The following CGNL1 variants were observed in gnomAD, a reference collection of about 807,000 sequenced individuals.
CGNL1 encodes the protein cingulin like 1.
A neutral mutation model predicts 141.2 loss-of-function variants in CGNL1; 132 were observed. The observed-to-expected ratio is 0.93, with a 90% confidence interval of 0.81 to 1.08. The LOEUF (loss-of-function observed/expected upper bound fraction) is 1.08, where lower values mean the gene tolerates loss of function less well. Among genes scored for constraint, CGNL1 ranks in the 50% least tolerant of loss-of-function variants. CGNL1 has a pLI of 0.00. For synonymous variants in CGNL1, 690 were observed against 622.1 expected (o/e 1.11, Z -1.63); for missense variants, 1,870 against 1,588.6 (o/e 1.18, Z -3.01).
intron 1 of CGNL1, among the ~76,000 whole-genome samples, chr15:57,389,754 G>A (rs2062521779): frequency 6.6e-6 from 1 of 152,158 alleles, no homozygotes; most frequent in Non-Finnish European, 1.5e-5. Context: ...TCTTACAATG[G>A]TTGTATTGGA....
At chr15:57,392,134 C>T (rs1341356205) in intron 1 of CGNL1, among the ~76,000 whole-genome samples, 2 of 152,116 alleles carry the variant, frequency 1.3e-5, no homozygotes, top group Non-Finnish European at 2.9e-5. Flanking sequence ...TTTTGTTTTC[C>T]ATTTCATGCC....
chr15:57,496,053 A>G (rs2063933565), intron 8 of CGNL1, among the ~76,000 whole-genome samples: 1 of 152,200 alleles, frequency 6.6e-6, no homozygotes, highest in South Asian at 2.1e-4. Flanking sequence ...GATAAGATAA[A>G]TGAGTGAAAG....
chr15:57,476,024 C>G (rs891503857), intron 8 of CGNL1, among the ~76,000 whole-genome samples: 1 of 152,112 alleles, frequency 6.6e-6, no homozygotes, highest in Admixed American at 6.5e-5. Flanking sequence ...TTTGTTTACT[C>G]AACACATCAA....
Position 57,516,832 on chromosome 15 carries a change from G to T in CGNL1, c.2456G>T (p.Gly819Val). 6.2e-7 allele frequency: 1 copy of T among 1,614,176 alleles called. No individual in the cohort carries two copies. The stretch of plus-strand genomic sequence containing the variant: ...AACACTTCAGAGCAAGACCAGGCGG[G>T]GACTGAAATGCGCGTGAAGCTTCTG... ...RSNTSEQDQA[G>V]TEMRVKLLQE... Residue 819 changes from glycine (G) to valine (V), a missense_variant, in exon 9 of 19, where the codon GGG (glycine) becomes GTG (valine). Gly to Val is a moderately radical substitution (Grantham distance 109, BLOSUM62 -3). Coordinates refer to ENST00000281282, the MANE Select transcript of CGNL1 (RefSeq NM_032866.5).
intron 1 of CGNL1, among the ~76,000 whole-genome samples, chr15:57,417,448 G>A (rs868124021): frequency 1.3e-5 from 2 of 152,250 alleles, no homozygotes; most frequent in Admixed American, 6.5e-5. Flanking sequence ...TGGCCAGGCT[G>A]GTCTTGAACT....
intron 7 of CGNL1, among the ~76,000 whole-genome samples, chr15:57,458,745 G>C (rs1249487063): frequency 6.6e-6 from 1 of 152,142 alleles, no homozygotes; most frequent in African/African-American, 2.4e-5. Flanking sequence ...CCTTAAGAAG[G>C]GGCTGGGCAG....
chr15:57,547,589 C>T lies in CGNL1; in HGVS notation c.*99C>T, dbSNP rs2032938496. 1 of 1,362,364 alleles carries T rather than the reference C, an allele frequency of 7.3e-7. No individual in the cohort carries two copies. The highest frequency in any genetic ancestry group is 1.0e-6 in the Non-Finnish European group (1 of 987,568). The allele number at this position is 1,362,364 out of a possible 1,614,324, so 84.4% of individuals were successfully genotyped here. On this transcript the variant is annotated 3_prime_UTR_variant, in exon 19 of 19. Coordinates refer to ENST00000281282, the MANE Select transcript of CGNL1 (RefSeq NM_032866.5). ...GGGAGCATCTGTCTGCCACTGAGAC[C>T]AATCACAGCCTCTTTGCACAGCATG...
intron 1 of CGNL1, among the ~76,000 whole-genome samples, chr15:57,398,599 C>A (rs2152245291): frequency 6.6e-6 from 1 of 152,300 alleles, no homozygotes; most frequent in South Asian, 2.1e-4. Flanking sequence ...AAAGTGGGAC[C>A]CTCATGGCAG....
intron 8 of CGNL1, among the ~76,000 whole-genome samples, chr15:57,474,189 G>C (rs1047328888): frequency 6.6e-6 from 1 of 152,076 alleles, no homozygotes; most frequent in Non-Finnish European, 1.5e-5. Flanking sequence ...GGGATTACAG[G>C]TGTAAGCCAC....
chr15:57,380,193 C>A (rs1049840001), intron 1 of CGNL1, among the ~76,000 whole-genome samples: 22 of 152,148 alleles, frequency 1.4e-4, no homozygotes, highest in African/African-American at 4.8e-4. Flanking sequence ...GCCACCATAC[C>A]CCGCTTATTT....
intron 1 of CGNL1, among the ~76,000 whole-genome samples, chr15:57,405,760 C>A (rs1285461564): frequency 7.3e-6 from 1 of 137,650 alleles, no homozygotes; most frequent in East Asian, 2.1e-4. Flanking sequence ...TTTTCTTTTT[C>A]TTTCTTTCTT....
At chr15:57,538,785 G>A (rs531982440) in intron 14 of CGNL1, among the ~76,000 whole-genome samples, 20 of 152,260 alleles carry the variant, frequency 1.3e-4, no homozygotes, top group African/African-American at 4.3e-4. Flanking sequence ...CCATAGACAC[G>A]TTCTCCTTCT....
chr15:57,439,484 G>A lies in CGNL1; in HGVS notation c.1485G>A (p.Glu495=), dbSNP rs1416092110. ...TTGGTGCACAGAGTAAAAAGGAGGA[G>A]GAGGTGAAAACAGCCACCGCTACGC... ...PSLGAQSKKE[E]EVKTATATLM... Residue 495 remains glutamate (E), a synonymous_variant, in exon 2 of 19, where the codon GAG becomes GAA. Transcript: ENST00000281282. 1 of 1,614,124 alleles carries A rather than the reference G, an allele frequency of 6.2e-7. No homozygotes were observed. The highest frequency in any genetic ancestry group is 1.3e-5 in the African/African-American group (1 of 74,940).
chr15:57,543,640 C>G, intron 14 of CGNL1, 56 bp from the exon 15 acceptor site: 1 of 1,480,798 alleles, frequency 6.8e-7, no homozygotes, highest in Admixed American at 1.7e-5. Flanking sequence ...CATTTCAGTA[C>G]AAAAGATACA....
intron 8 of CGNL1, among the ~76,000 whole-genome samples, chr15:57,480,636 G>A (rs2063713859): frequency 1.3e-5 from 2 of 152,158 alleles, no homozygotes; most frequent in Admixed American, 1.3e-4. Flanking sequence ...TGTCTCTAGT[G>A]GTCTTTGGGC....
intron 5 of CGNL1, 92 bp from the exon 6 acceptor site, chr15:57,452,049 A>G: frequency 9.0e-7 from 1 of 1,106,760 alleles, no homozygotes; most frequent in Admixed American, 2.6e-5. Flanking sequence ...GTAAGTGCAA[A>G]GATATGGAGT....
At chr15:57,528,269 C>CAA (rs60913934) in intron 12 of CGNL1, among the ~76,000 whole-genome samples, 7 of 150,398 alleles carry the variant, frequency 4.7e-5, no homozygotes, top group African/African-American at 1.2e-4. Context: ...AAAAAAAAGA[C>CAA]AAAAAAAAAC....
intron 8 of CGNL1, among the ~76,000 whole-genome samples, chr15:57,474,386 C>T (rs2063624635): frequency 6.6e-6 from 1 of 152,180 alleles, no homozygotes; most frequent in African/African-American, 2.4e-5. Flanking sequence ...TAGCAGAACC[C>T]ACAGCATCCT....
intron 16 of CGNL1, among the ~76,000 whole-genome samples, chr15:57,545,113 C>T (rs2032784962): frequency 2.0e-5 from 3 of 152,220 alleles, no homozygotes; most frequent in Admixed American, 1.3e-4. Flanking sequence ...TCTCTAATGG[C>T]AGCCCGAGGG....
Sources: allele counts gnomAD v4.1 joint callset (sites outside exome capture counted in the v4.1 genomes callset), GRCh38; gene constraint gnomAD v4.1.1; transcripts MANE v1.5; gene names NCBI Gene and HGNC (gene_info 2026-07-23, HGNC 2026-07-21).